The following C22orf23 variants were observed in gnomAD, a reference collection of about 807,000 sequenced individuals.
The protein encoded by C22orf23 is chromosome 22 open reading frame 23.
A neutral mutation model predicts 29.7 loss-of-function variants in C22orf23; 30 were observed. The ratio of observed to expected loss-of-function variants is 1.01; its 90% CI spans 0.76 to 1.37. C22orf23 has a LOEUF of 1.37. C22orf23 is among the 40% of genes most tolerant of loss of function. The probability of loss-of-function intolerance (pLI) is 0.00; values close to 1 mark genes in which losing one functional copy is unlikely to be tolerated. For missense variants in C22orf23, 237 were observed against 273.1 expected (o/e 0.87, Z 0.93); for synonymous variants, 90 against 96.1 (o/e 0.94, Z 0.37).
At chr22:37,952,703 AGGG>A in intron 2 of C22orf23, 1 of 209,782 alleles carries the variant, frequency 4.8e-6, no homozygotes, top group Non-Finnish European at 9.7e-6. Flanking sequence ...CCTTTAACTC[AGGG>A]GTCCCCAACC....
intron 3 of C22orf23, among the ~76,000 whole-genome samples, chr22:37,950,764 G>A (rs1735456194): frequency 6.6e-6 from 1 of 151,952 alleles, no homozygotes; most frequent in South Asian, 2.1e-4. Context: ...AATTAAGCCG[G>A]GCATGGTGGC....
intron 5 of C22orf23, 25 bp downstream of exon 5, chr22:37,945,017 C>G: frequency 6.4e-7 from 1 of 1,573,770 alleles, no homozygotes; most frequent in Non-Finnish European, 8.6e-7. Context: ...CCACCCCCAG[C>G]ATGACTGGTC....
chr22:37,947,452 A>G lies in C22orf23; in HGVS notation c.178T>C (p.Leu60=). 1 of 1,580,650 alleles carries G rather than the reference A, an allele frequency of 6.3e-7. No individual in the cohort carries two copies. The highest frequency in any genetic ancestry group is 8.6e-7 in the Non-Finnish European group (1 of 1,162,910). The change falls in exon 4 of 7, where the codon TTG becomes CTG. Residue 60 remains leucine, a synonymous_variant. Coordinates refer to ENST00000403305, the MANE Select transcript of C22orf23 (RefSeq NM_032561.5). ...IMDIMKRGDA[L]PLQCSPTSSQ... ...GATGTTGGGCTGCACTGTAGGGGCAAAGCATCTCCTCCTGGGGAACGAAGA... is the reference window on the plus strand; with the variant it reads ...GATGTTGGGCTGCACTGTAGGGGCAGAGCATCTCCTCCTGGGGAACGAAGA...
Position 37,953,060 on chromosome 22 carries a change from G to T in C22orf23, c.90C>A (p.Cys30Ter), listed in dbSNP as rs1931163474. Reference protein sequence around the residue: ...PKTITYTPGTCELLRVMMKES... With the variant: ...PKTITYTPGT ...TAACGGACTGACCTCTGAGCAGCTC[G>T]CAGGTCCCCGGGGTGTAAGTGATGG... is the stretch of plus-strand genomic sequence containing the variant. Residue 30 changes from cysteine (C) to a stop codon, truncating the protein, a stop_gained, in exon 2 of 7, where the codon TGC (cysteine) becomes TGA (stop). Coordinates refer to ENST00000403305, the MANE Select transcript of C22orf23 (RefSeq NM_032561.5). LOFTEE classifies it high-confidence loss of function. 6.2e-7 allele frequency: 1 copy of T among 1,613,192 alleles called. No homozygotes were observed. The highest frequency in any genetic ancestry group is 8.5e-7 in the Non-Finnish European group (1 of 1,179,506).
At chr22:37,944,690 G>A in intron 5 of C22orf23, 173 bp from the exon 6 acceptor site, 1 of 603,910 alleles carries the variant, frequency 1.7e-6, no homozygotes, top group Non-Finnish European at 2.9e-6. Flanking sequence ...CACGAGGTCA[G>A]GAGTTCGAGA....
At chr22:37,946,116 C>T (rs558488130) in intron 4 of C22orf23, among the ~76,000 whole-genome samples, 1 of 151,792 alleles carries the variant, frequency 6.6e-6, no homozygotes, top group African/African-American at 2.4e-5. Context: ...AAAATTAGCC[C>T]GGCGTGATGG....
intron 3 of C22orf23, among the ~76,000 whole-genome samples, chr22:37,949,809 C>T (rs183413392): frequency 4.1e-4 from 63 of 152,098 alleles, no homozygotes; most frequent in Admixed American, 3.9e-3. Context: ...CCCATCCAGC[C>T]TCTACAAGGT....
chr22:37,949,832 A>G (rs971215990), intron 3 of C22orf23, among the ~76,000 whole-genome samples: 2 of 151,980 alleles, frequency 1.3e-5, no homozygotes, highest in Admixed American at 6.6e-5. Flanking sequence ...ATTCCCCAGG[A>G]GCGAGCGGTC....
At position 37,943,876 on chromosome 22, in the gene C22orf23, C is replaced by T; in HGVS notation, c.*299G>A. 2.2e-6 allele frequency: 1 copy of T among 447,548 alleles called. No homozygotes were observed. The highest frequency in any genetic ancestry group is 4.0e-6 in the Non-Finnish European group (1 of 248,058). 27.7% of individuals were successfully genotyped at this position (447,548 alleles called of 1,614,324 possible). A position where few individuals can be genotyped will look rare whatever the true frequency, so the allele number is the denominator to read the frequency against. On this transcript the variant is annotated 3_prime_UTR_variant, in exon 7 of 7. Transcript: ENST00000403305. ...AATTCAGAAAACTAAATGAACAGGC[C>T]ACAGGTCAGAAGTGGTGGGAAGCAG...
chr22:37,952,878 G>A (rs1043974932), intron 2 of C22orf23, 169 bp downstream of exon 2: 16 of 596,254 alleles, frequency 2.7e-5, no homozygotes, highest in African/African-American at 2.6e-4. Context: ...GCACGCGAGG[G>A]ATCTAGGTTG....
chr22:37,945,494 C>CT (rs369277812), intron 4 of C22orf23, among the ~76,000 whole-genome samples: 3,350 of 129,068 alleles, frequency 0.026, 106 homozygotes, highest in African/African-American at 0.067. Flanking sequence ...TTTTTTTCTT[C>CT]TTTTTTTTTT....
intron 2 of C22orf23, among the ~76,000 whole-genome samples, chr22:37,952,205 G>A (rs112426262): frequency 2.0e-5 from 3 of 152,126 alleles, no homozygotes; most frequent in Non-Finnish European, 4.4e-5. Context: ...AAAAGTTGTT[G>A]AGTAAAAGAA....
chr22:37,951,686 A>C (rs532161448), intron 2 of C22orf23, 164 bp from the exon 3 acceptor site: 1 of 437,702 alleles, frequency 2.3e-6, no homozygotes, highest in Non-Finnish European at 4.1e-6. Context: ...CGACCACCTA[A>C]AATTCTATAT....
chr22:37,944,610 G>T, intron 5 of C22orf23, 93 bp from the exon 6 acceptor site: 5 of 1,157,314 alleles, frequency 4.3e-6, no homozygotes, highest in Non-Finnish European at 5.1e-6. Context: ...TTGTCAAATA[G>T]TGTTTCTAGG....
intron 5 of C22orf23, 72 bp downstream of exon 5, chr22:37,944,970 G>C (rs1930606814): frequency 6.7e-7 from 1 of 1,484,924 alleles, no homozygotes; most frequent in Non-Finnish European, 9.0e-7. Flanking sequence ...TCCCCTGACT[G>C]CTCCATCCAA....
Position 37,945,168 on chromosome 22 carries a change from A to C in C22orf23, c.355T>G (p.Leu119Val), listed in dbSNP as rs773656173. Residue 119 changes from leucine to valine, a missense_variant, in exon 5 of 7, where the codon TTG becomes GTG. Coordinates refer to ENST00000403305, the MANE Select transcript of C22orf23 (RefSeq NM_032561.5). ...EQFKPQATRD[L>V]EKEKQRLQNI... ...TGGAGTCTTTGTTTCTCCTTCTCCAAATCCCCTGTAGGGCCAAAAAGAAAT... is the reference window on the plus strand; with the variant it reads ...TGGAGTCTTTGTTTCTCCTTCTCCACATCCCCTGTAGGGCCAAAAAGAAAT... 6.2e-7 allele frequency: 1 copy of C among 1,611,816 alleles called. No homozygotes were observed. The highest frequency in any genetic ancestry group is 1.1e-5 in the South Asian group (1 of 90,808).
At chr22:37,947,215 T>A (rs1930746682) in intron 4 of C22orf23, 66 bp downstream of exon 4, 1 of 1,563,586 alleles carries the variant, frequency 6.4e-7, no homozygotes, top group African/African-American at 1.4e-5. Flanking sequence ...GTGGGCTGCT[T>A]GCGTCCCTCT....
chr22:37,953,179 T>C (rs769846830), intron 1 of C22orf23, 21 bp from the exon 2 acceptor site: 2 of 1,510,356 alleles, frequency 1.3e-6, no homozygotes, highest in Non-Finnish European at 1.8e-6. Context: ...AAAGACGCAA[T>C]GACACACCCC....
chr22:37,944,345 C>T (rs1242422175), intron 6 of C22orf23, 72 bp downstream of exon 6: 1 of 1,613,232 alleles, frequency 6.2e-7, no homozygotes, highest in African/African-American at 1.3e-5. Context: ...CCTGCCACAG[C>T]AGACCCTGTA....
Sources: gnomAD v4.1 joint callset for allele counts (sites outside exome capture counted in the v4.1 genomes callset) on GRCh38, gnomAD v4.1.1 for gene constraint, MANE v1.5 for transcripts, NCBI Gene and HGNC (gene_info 2026-07-23, HGNC 2026-07-21) for gene names.